Variants in PCDHGB2 observed in about 807,000 individuals in gnomAD.
The protein encoded by PCDHGB2 is protocadherin gamma subfamily B, 2, also known as protocadherin gamma-B2.
A neutral mutation model predicts 59.3 loss-of-function variants in PCDHGB2; 55 were observed. The observed-to-expected ratio is 0.93, with a 90% CI of 0.75 to 1.16. The LOEUF (loss-of-function observed/expected upper bound fraction) is 1.16, where lower values mean the gene tolerates loss of function less well. Ranked by LOEUF, PCDHGB2 falls within the 50% of genes most tolerant of loss-of-function variation. The pLI, the probability that PCDHGB2 is intolerant of heterozygous loss-of-function variation, is 0.00. For missense variants in PCDHGB2, 1,228 were observed against 1,198.5 expected (o/e 1.02, Z -0.36); for synonymous variants, 516 against 512.0 (o/e 1.01, Z -0.11).
chr5:141,489,084 C>A lies in PCDHGB2; in HGVS notation c.2422-5723C>A. On this transcript the variant is annotated intron_variant, in intron 1 of 3. Coordinates refer to ENST00000522605, the MANE Select transcript of PCDHGB2 (RefSeq NM_018923.3). The surrounding 1 kb of genome is among the most constrained non-coding windows in gnomAD (Gnocchi z 4.5). Reference sequence around the variant, plus strand: ...CTCCCCCCTGCCCACCCCCGCCACTCGGTGACTAAGAACTGCTGCAAGCAG... The same window carrying A: ...CTCCCCCCTGCCCACCCCCGCCACTAGGTGACTAAGAACTGCTGCAAGCAG... The A allele has an allele frequency of 9.1e-6, 3 of 329,124 alleles. No homozygotes were observed. The highest frequency in any genetic ancestry group is 1.1e-5 in the Non-Finnish European group (2 of 186,464). The allele number at this position is 329,124 out of a possible 1,614,324, so 20.4% of individuals were successfully genotyped here. A position where few individuals can be genotyped will look rare whatever the true frequency, so the allele number is the denominator to read the frequency against.
At chr5:141,386,334 G>A (rs1220929803) in intron 1 of PCDHGB2, among the ~76,000 whole-genome samples, 1 of 152,008 alleles carries the variant, frequency 6.6e-6, no homozygotes, top group Non-Finnish European at 1.5e-5. Context: ...ATCCAGAAGG[G>A]GTGGATGACA....
rs1421497518 is a variant in PCDHGB2 at position 141,431,979 on chromosome 5, A to G, written c.2422-62828A>G. ...GGAAATTACTATAGTTTAGTCACAGACATAGTCTTGGATAGGGAACAGGTT... is the reference window on the plus strand; with the variant it reads ...GGAAATTACTATAGTTTAGTCACAGGCATAGTCTTGGATAGGGAACAGGTT... On this transcript the variant is annotated intron_variant, in intron 1 of 3. Coordinates refer to ENST00000522605, the MANE Select transcript of PCDHGB2 (RefSeq NM_018923.3). This position sits in a 1 kb window ranked among gnomAD's most constrained non-coding sequence, Gnocchi z 4.8. 6.2e-7 allele frequency: 1 copy of G among 1,614,078 alleles called. No homozygotes were observed. The highest frequency in any genetic ancestry group is 1.3e-5 in the African/African-American group (1 of 74,932).
rs1023379892 is a variant in PCDHGB2 at position 141,475,927 on chromosome 5, G to T, written c.2422-18880G>T. 1.3e-4 allele frequency: 80 copies of T among 628,362 alleles called. No individual in the cohort carries two copies. In the African/African-American group the frequency reaches 1.4e-3, roughly 11 times the overall value. The allele number at this position is 628,362 out of a possible 1,614,324, so 38.9% of individuals were successfully genotyped here. ...CGGCCAATGAAGACGCTGGAGATCG[G>T]GCCCCTGCCCGTCCCCTTTCTGCGC... On this transcript the variant is annotated intron_variant, in intron 1 of 3. Coordinates refer to ENST00000522605, the MANE Select transcript of PCDHGB2 (RefSeq NM_018923.3).
rs1359390451 is a variant in PCDHGB2, at chr5:141,360,344, C to T, written c.209C>T (p.Ala70Val). 1 of 1,613,798 alleles carries T rather than the reference C, an allele frequency of 6.2e-7. No homozygotes were observed. The highest frequency in any genetic ancestry group is 1.7e-5 in the Admixed American group (1 of 60,012). ...DLPARKLRVS[A>V]EKEYFTVNPE... The stretch of plus-strand genomic sequence containing the variant: ...CCAGCCCGGAAGCTGCGGGTTAGCG[C>T]GGAGAAGGAATATTTCACAGTAAAC... The change falls in exon 1 of 4, where the codon GCG becomes GTG. Residue 70 changes from alanine (A) to valine (V), a missense_variant. By Grantham distance (64) the Ala-to-Val change is moderately conservative. Coordinates refer to ENST00000522605, the MANE Select transcript of PCDHGB2 (RefSeq NM_018923.3).
chr5:141,408,133 T>A, intron 1 of PCDHGB2: 5 of 1,483,848 alleles, frequency 3.4e-6, no homozygotes, highest in Non-Finnish European at 4.5e-6. Context: ...GGCCGAATGC[T>A]CTTTTAGCGC....
intron 1 of PCDHGB2, among the ~76,000 whole-genome samples, chr5:141,471,145 G>T (rs569617031): frequency 3.4e-4 from 50 of 148,740 alleles, no homozygotes; most frequent in Non-Finnish European, 5.4e-4. Flanking sequence ...TGCCTCCTGG[G>T]TTCAAGTGAT....
In PCDHGB2 at chr5:141,366,149, C is replaced by G. The variant is rs532159175; in HGVS notation, c.2421+3593C>G. Reference sequence around the variant, plus strand: ...AGGCCAGAACGCCTGGCTGTCCTACCGCCTGCTTAAGGCCAGCGAGCCAGG... The same window carrying G: ...AGGCCAGAACGCCTGGCTGTCCTACGGCCTGCTTAAGGCCAGCGAGCCAGG... On this transcript the variant is annotated intron_variant, in intron 1 of 3. Transcript: ENST00000522605. 1.9e-6 allele frequency: 3 copies of G among 1,614,160 alleles called. No individual in the cohort carries two copies. The African/African-American group carries it at 4.0e-5, about 22-fold the overall frequency.
chr5:141,400,189 C>T (rs376855933), intron 1 of PCDHGB2: 52 of 1,613,938 alleles, frequency 3.2e-5, no homozygotes, highest in Non-Finnish European at 4.2e-5. Flanking sequence ...GCAGTTTTAC[C>T]TAGTGGTGGC....
rs1373988780 is a variant in PCDHGB2, at chr5:141,404,040, G to A, written c.2421+41484G>A. 1.9e-5 allele frequency: 30 copies of A among 1,613,694 alleles called. No homozygotes were observed. The highest frequency in any genetic ancestry group is 2.3e-5 in the Non-Finnish European group (27 of 1,179,836). On this transcript the variant is annotated intron_variant, in intron 1 of 3. Transcript: ENST00000522605. Reference sequence around the variant, plus strand: ...CCAGTGAGAGAAGACGCACCTCAGGGAACAGTAATTCTTCTTTTCAATGCT... The same window carrying A: ...CCAGTGAGAGAAGACGCACCTCAGGAAACAGTAATTCTTCTTTTCAATGCT...
chr5:141,361,701 T>C lies in PCDHGB2; in HGVS notation c.1566T>C (p.His522=), dbSNP rs376967719. The change falls in exon 1 of 4, where the codon CAT becomes CAC. Residue 522 remains histidine (H), a synonymous_variant. Coordinates refer to ENST00000522605, the MANE Select transcript of PCDHGB2 (RefSeq NM_018923.3). The part of the protein sequence containing the change: ...GVVFAQRAFD[H]EQLRAFELTL... ...TGTTCGCGCAGCGCGCCTTCGATCA[T>C]GAGCAGCTGCGCGCCTTCGAGCTCA... The C allele has an allele frequency of 9.2e-5, 149 of 1,613,218 alleles. No homozygotes were observed. The highest frequency in any genetic ancestry group is 1.1e-4 in the Non-Finnish European group (133 of 1,179,780).
At chr5:141,404,469 C>T (rs1239367876) in intron 1 of PCDHGB2, 3 of 1,612,966 alleles carry the variant, frequency 1.9e-6, no homozygotes, top group African/African-American at 1.3e-5. Flanking sequence ...ACCTATGTCT[C>T]TATTAACTCA....
chr5:141,366,156 T>G, intron 1 of PCDHGB2: 2 of 1,614,138 alleles, frequency 1.2e-6, no homozygotes, highest in African/African-American at 1.3e-5. Context: ...TACCGCCTGC[T>G]TAAGGCCAGC....
At chr5:141,412,424 C>G (rs1383441983) in intron 1 of PCDHGB2, 1 of 152,136 alleles carries the variant, frequency 6.6e-6, no homozygotes, top group Non-Finnish European at 1.5e-5. Flanking sequence ...ATGTTTTACA[C>G]AAAAAGGTTA....
intron 1 of PCDHGB2, chr5:141,384,916 G>T (rs1215010105): frequency 1.2e-6 from 2 of 1,613,886 alleles, no homozygotes; most frequent in Non-Finnish European, 1.7e-6. Flanking sequence ...CGAAGTCTTG[G>T]CCGACCTGGG....
intron 1 of PCDHGB2, among the ~76,000 whole-genome samples, chr5:141,436,594 G>T (rs79477223): frequency 0.052 from 7,980 of 152,210 alleles, 223 homozygotes; most frequent in South Asian, 0.079. Flanking sequence ...AAAGGTCGTG[G>T]TGATGGCTAG....
chr5:141,409,231 C>T (rs756486864), intron 1 of PCDHGB2: 7 of 1,613,926 alleles, frequency 4.3e-6, no homozygotes, highest in Admixed American at 3.3e-5. Flanking sequence ...AAAACGACAA[C>T]AGCCCAGAAA....
At chr5:141,362,593 A>G (rs777823530) in intron 1 of PCDHGB2, 37 bp downstream of exon 1, 1 of 1,589,406 alleles carries the variant, frequency 6.3e-7, no homozygotes, top group Non-Finnish European at 8.6e-7. Context: ...TTCTGGTTTT[A>G]TTGTTTCACC....
chr5:141,410,746 C>A (rs1489353130), intron 1 of PCDHGB2: 28 of 1,269,804 alleles, frequency 2.2e-5, no homozygotes, highest in Non-Finnish European at 2.7e-5. Flanking sequence ...ACAATATTTT[C>A]TCAATGTTTT....
Position 141,423,275 on chromosome 5 carries a change from C to T in PCDHGB2, c.2421+60719C>T. 1.2e-6 allele frequency: 2 copies of T among 1,614,012 alleles called. No homozygotes were observed. The highest frequency in any genetic ancestry group is 1.7e-6 in the Non-Finnish European group (2 of 1,179,970). ...GACCTCGGCAGCCTCGAGTCTCTGGCTAACTCTGAAACCTCAGACCTCTCG... is the reference window on the plus strand; with the variant it reads ...GACCTCGGCAGCCTCGAGTCTCTGGTTAACTCTGAAACCTCAGACCTCTCG... On this transcript the variant is annotated intron_variant, in intron 1 of 3. Transcript: ENST00000522605.
Sources: gnomAD v4.1 joint callset for allele counts (sites outside exome capture counted in the v4.1 genomes callset) on GRCh38, gnomAD v4.1.1 for gene constraint, Gnocchi (gnomAD v3.1) non-coding constraint, MANE v1.5 for transcripts, NCBI Gene and HGNC (gene_info 2026-07-23, HGNC 2026-07-21) for gene names.